Variants in GNS observed in about 807,000 individuals in gnomAD.
GNS encodes the protein glucosamine (N-acetyl)-6-sulfatase, also known as N-acetylglucosamine-6-sulfatase.
A neutral mutation model predicts 69.7 loss-of-function variants in GNS; 40 were observed. The ratio of observed to expected loss-of-function variants is 0.57; its 90% CI spans 0.45 to 0.75. The LOEUF (loss-of-function observed/expected upper bound fraction) is 0.75. Among genes scored for constraint, GNS ranks in the 30% least tolerant of loss-of-function variants. The pLI, the probability that GNS is intolerant of heterozygous loss-of-function variation, is 0.00. For synonymous variants in GNS, 243 were observed against 251.6 expected (o/e 0.97, Z 0.32); for missense variants, 565 against 685.5 (o/e 0.82, Z 1.96).
intron 2 of GNS, among the ~76,000 whole-genome samples, chr12:64,751,132 G>C (rs150088199): frequency 6.6e-6 from 1 of 152,136 alleles, no homozygotes; most frequent in South Asian, 2.1e-4. Flanking sequence ...AGGATCACTT[G>C]AGCTCAGGAG....
At chr12:64,741,875 G>A (rs970953273) in intron 6 of GNS, among the ~76,000 whole-genome samples, 3 of 152,210 alleles carry the variant, frequency 2.0e-5, no homozygotes, top group African/African-American at 7.2e-5. Context: ...TCCTGTAGCA[G>A]AGTGACTTAT....
chr12:64,743,257 A>C lies in GNS; in HGVS notation c.676T>G (p.Phe226Val), dbSNP rs1283873163. Reference sequence around the variant, plus strand: ...GGCGCTGGAGTGGCGATCATCATGAAGAAGGGCTCAAAGTTGGACTTGTAG... The same window carrying C: ...GGCGCTGGAGTGGCGATCATCATGACGAAGGGCTCAAAGTTGGACTTGTAG... ...LDYKSNFEPF[F>V]MMIATPAPHS... The change falls in exon 6 of 14, where the codon TTC (phenylalanine) becomes GTC (valine). Residue 226 changes from phenylalanine to valine, a missense_variant. Physicochemically the swap from Phe to Val is conservative, Grantham distance 50 (BLOSUM62 -1). Around this residue, in one of 2 missense-constraint regions of GNS, gnomAD observed 384 missense variants for 511.0 expected, o/e 0.75. Transcript: ENST00000258145. 9.3e-6 allele frequency: 15 copies of C among 1,613,268 alleles called. No individual in the cohort carries two copies. Among genetic ancestry groups the C allele is most frequent in the African/African-American group, 1.3e-5 (1 of 74,924 alleles).
chr12:64,752,715 T>TCCC lies in GNS; in HGVS notation c.232_234dup (p.Gly78dup). The TCCC allele has an allele frequency of 6.5e-7, 1 of 1,527,014 alleles. No individual in the cohort carries two copies. The highest frequency in any genetic ancestry group is 9.1e-7 in the Non-Finnish European group (1 of 1,102,256). The allele number at this position is 1,527,014 out of a possible 1,614,324, so 94.6% of individuals were successfully genotyped here. A position where few individuals can be genotyped will look rare whatever the true frequency, so the allele number is the denominator to read the frequency against. Reference sequence around the variant, plus strand: ...AAACTTACAGCACTGGAAAAAGTCATCCCCATCTCTCCGATGAGAGCTTTG... The same window carrying TCCC: ...AAACTTACAGCACTGGAAAAAGTCATCCCCCCCATCTCTCCGATGAGAGCTTTG... On this transcript the variant is annotated inframe_insertion, in exon 2 of 14. Transcript: ENST00000258145.
Position 64,740,702 on chromosome 12 carries a change from G to GA in GNS, c.793-15dup, listed in dbSNP as rs754323701. On this transcript the variant is annotated splice_polypyrimidine_tract_variant and intron_variant, in intron 6 of 13. Coordinates refer to ENST00000258145, the MANE Select transcript of GNS (RefSeq NM_002076.4). Reference sequence around the variant, plus strand: ...CCAGTGCTTGTTCTAAAATTTAGAAGAAAAAAAATGTTAACACCAAGTCAC... The same window carrying GA: ...CCAGTGCTTGTTCTAAAATTTAGAAGAAAAAAAAATGTTAACACCAAGTCAC... The GA allele has an allele frequency of 3.8e-5, 50 of 1,329,176 alleles. No individual in the cohort carries two copies. The highest frequency in any genetic ancestry group is 4.8e-5 in the Non-Finnish European group (44 of 921,378). 82.3% of individuals were successfully genotyped at this position (1,329,176 alleles called of 1,614,324 possible). A position where few individuals can be genotyped will look rare whatever the true frequency, so the allele number is the denominator to read the frequency against.
intron 9 of GNS, among the ~76,000 whole-genome samples, chr12:64,732,162 T>G (rs953154603): frequency 3.2e-5 from 3 of 95,006 alleles, no homozygotes; most frequent in African/African-American, 1.5e-4. Context: ...AATTTTTTTT[T>G]TTTGTTGTTT....
chr12:64,738,829 A>C (rs1027524723), intron 8 of GNS, among the ~76,000 whole-genome samples: 2 of 151,136 alleles, frequency 1.3e-5, no homozygotes, highest in African/African-American at 4.9e-5. Context: ...AGCCCCCCAA[A>C]AAAATCACAA....
intron 9 of GNS, 74 bp from the exon 10 acceptor site, chr12:64,729,131 C>T: frequency 4.9e-6 from 4 of 811,816 alleles, no homozygotes; most frequent in Admixed American, 1.8e-5. Flanking sequence ...CTAAAGTTCT[C>T]TTCCCCCCAC....
At chr12:64,737,762 C>T (rs1172194657) in intron 8 of GNS, among the ~76,000 whole-genome samples, 1 of 152,168 alleles carries the variant, frequency 6.6e-6, no homozygotes, top group Non-Finnish European at 1.5e-5. Context: ...ACAGGAAGTA[C>T]ACAGCAGCAG....
chr12:64,751,445 GAAC>G (rs1428859483), intron 2 of GNS, among the ~76,000 whole-genome samples: 3 of 152,090 alleles, frequency 2.0e-5, no homozygotes, highest in African/African-American at 7.2e-5. Flanking sequence ...TAGACAGTCG[GAAC>G]AACATTAAAT....
rs1869655989 is a variant in GNS at position 64,739,385 on chromosome 12, G to A, written c.990C>T (p.His330=). The part of the protein sequence containing the change: ...YIFYTSDNGY[H]TGQFSLPIDK... ...GTACCTACTCCTGCCTCTGACCTGT[G>A]TGATAGCCATTGTCTGAGGTATAGA... Residue 330 remains histidine, a synonymous_variant, in exon 8 of 14, where the codon CAC becomes CAT. Coordinates refer to ENST00000258145, the MANE Select transcript of GNS (RefSeq NM_002076.4). 1.4e-6 allele frequency: 2 copies of A among 1,450,622 alleles called. No homozygotes were observed. Among genetic ancestry groups the A allele is most frequent in the African/African-American group, 1.4e-5 (1 of 71,820 alleles). The allele number at this position is 1,450,622 out of a possible 1,614,324, so 89.9% of individuals were successfully genotyped here.
At chr12:64,757,141 T>G (rs1870276560) in intron 1 of GNS, among the ~76,000 whole-genome samples, 1 of 152,186 alleles carries the variant, frequency 6.6e-6, no homozygotes, top group Non-Finnish European at 1.5e-5. Context: ...ATTGTACCAC[T>G]GCACTCCAGC....
chr12:64,754,519 A>T (rs928206904), intron 1 of GNS, among the ~76,000 whole-genome samples: 3 of 152,260 alleles, frequency 2.0e-5, no homozygotes, highest in Middle Eastern at 3.4e-3. Context: ...GAAGCAGCTT[A>T]GGGAGGAAAA....
intron 5 of GNS, 73 bp downstream of exon 5, chr12:64,744,736 T>G: frequency 1.3e-6 from 1 of 798,230 alleles, no homozygotes; most frequent in Non-Finnish European, 2.3e-6. Context: ...GATTATAGGT[T>G]TTCTAGGCAG....
intron 2 of GNS, among the ~76,000 whole-genome samples, chr12:64,751,168 T>C (rs751856796): frequency 2.0e-5 from 3 of 152,180 alleles, no homozygotes; most frequent in Non-Finnish European, 4.4e-5. Flanking sequence ...GGCTACATAG[T>C]GAGTGAGACC....
intron 13 of GNS, among the ~76,000 whole-genome samples, chr12:64,717,279 TAAGGA>T (rs1225286426): frequency 6.6e-6 from 1 of 152,144 alleles, no homozygotes; most frequent in Non-Finnish European, 1.5e-5. Context: ...CTTGACTTAA[TAAGGA>T]AAGAAAAAAA....
chr12:64,754,162 T>C (rs964496431), intron 1 of GNS, among the ~76,000 whole-genome samples: 5 of 152,244 alleles, frequency 3.3e-5, no homozygotes, highest in African/African-American at 1.2e-4. Flanking sequence ...ATCTAGGCAG[T>C]GGTGGACAGA....
At chr12:64,724,479 T>C (rs184894904) in intron 10 of GNS, among the ~76,000 whole-genome samples, 32 of 152,320 alleles carry the variant, frequency 2.1e-4, no homozygotes, top group African/African-American at 7.2e-4. Context: ...ATAGGAATTA[T>C]TTCCTAACTT....
intron 1 of GNS, 186 bp from the exon 2 acceptor site, chr12:64,752,943 A>T (rs964233780): frequency 5.0e-6 from 3 of 601,430 alleles, no homozygotes; most frequent in Non-Finnish European, 8.9e-6. Context: ...TCCATCCTGT[A>T]TAAAAGTGCA....
At chr12:64,742,011 GTCTCA>G (rs1254278844) in intron 6 of GNS, among the ~76,000 whole-genome samples, 21 of 151,662 alleles carry the variant, frequency 1.4e-4, no homozygotes, top group Non-Finnish European at 2.4e-4. Context: ...ATCTTATCTT[GTCTCA>G]TCTCATCTTA....
Sources: allele counts gnomAD v4.1 joint callset (sites outside exome capture counted in the v4.1 genomes callset), GRCh38; gene constraint gnomAD v4.1.1; regional missense constraint gnomAD v4.1.1; transcripts MANE v1.5; gene names NCBI Gene and HGNC (gene_info 2026-07-23, HGNC 2026-07-21).